The following SLFN12L variants were observed in gnomAD, a reference collection of about 807,000 sequenced individuals.
The protein encoded by SLFN12L is schlafen family member 12-like.
SLFN12L carries 34 observed loss-of-function variants against 34.8 expected under a neutral mutation model. The ratio of observed to expected loss-of-function variants is 0.98; its 90% CI spans 0.74 to 1.30. The LOEUF (loss-of-function observed/expected upper bound fraction) is 1.30. SLFN12L is among the 50% of genes most tolerant of loss of function. The probability of loss-of-function intolerance (pLI) is 0.00; values close to 1 mark genes in which losing one functional copy is unlikely to be tolerated. For synonymous variants in SLFN12L, 259 were observed against 247.5 expected, an observed-to-expected ratio of 1.05 and a Z score of -0.44; for missense variants, 703 against 696.2, an observed-to-expected ratio of 1.01 and a Z score of -0.11.
chr17:35,479,104 C>T lies in SLFN12L; in HGVS notation c.1165+13G>A. 6.5e-7 allele frequency: 1 copy of T among 1,530,222 alleles called. No individual in the cohort carries two copies. The highest frequency in any genetic ancestry group is 1.4e-5 in the African/African-American group (1 of 72,390). 94.8% of individuals were successfully genotyped at this position (1,530,222 alleles called of 1,614,324 possible). Reference sequence around the variant, plus strand: ...GCCAAAGGTATCCTTATTGCCAATCCTCCTTCCTCAACCTGGTTCTGAATC... The same window carrying T: ...GCCAAAGGTATCCTTATTGCCAATCTTCCTTCCTCAACCTGGTTCTGAATC... On this transcript the variant is annotated intron_variant, in intron 3 of 4. Coordinates refer to ENST00000628453, the MANE Select transcript of SLFN12L (RefSeq NM_001363830.2).
At chr17:35,517,857 G>C (rs1915879198) in intron 2 of SLFN12L, among the ~76,000 whole-genome samples, 1 of 152,188 alleles carries the variant, frequency 6.6e-6, no homozygotes, top group African/African-American at 2.4e-5. Context: ...GCAGAAAACA[G>C]AAACTGTACT....
intron 2 of SLFN12L, among the ~76,000 whole-genome samples, chr17:35,520,439 T>A (rs148756322): frequency 1.1e-3 from 166 of 152,292 alleles, no homozygotes; most frequent in African/African-American, 3.7e-3. Context: ...CTAATTGTAA[T>A]AATTATAAAG....
At chr17:35,535,190 C>CTTT (rs35271725) in intron 1 of SLFN12L, among the ~76,000 whole-genome samples, 3 of 131,250 alleles carry the variant, frequency 2.3e-5, no homozygotes, top group African/African-American at 8.6e-5. Flanking sequence ...TCTCTTTCTC[C>CTTT]TTTTTTTTTT....
At chr17:35,536,537 C>A (rs1456588121) in intron 1 of SLFN12L, among the ~76,000 whole-genome samples, 2 of 152,074 alleles carry the variant, frequency 1.3e-5, no homozygotes, top group East Asian at 1.9e-4. Context: ...CACAGTTGGG[C>A]TCAGTGGCTC....
intron 2 of SLFN12L, chr17:35,491,119 G>A: frequency 2.6e-6 from 2 of 778,324 alleles, no homozygotes; most frequent in East Asian, 4.9e-5. Context: ...ATGACCATTT[G>A]TGAACTTACT....
chr17:35,503,937 C>G (rs1176807372), intron 2 of SLFN12L, among the ~76,000 whole-genome samples: 2 of 152,176 alleles, frequency 1.3e-5, no homozygotes, highest in Non-Finnish European at 2.9e-5. Context: ...GCACCACCCC[C>G]TCCAGAGTTG....
chr17:35,513,519 G>GACAGATGCCACCAAGTACCA (rs929695670), intron 2 of SLFN12L, among the ~76,000 whole-genome samples: 1 of 152,156 alleles, frequency 6.6e-6, no homozygotes, highest in African/African-American at 2.4e-5. Context: ...TGCTCAGTTC[G>GACAGATGCCACCAAGTACCA]ACAGATGCCA....
intron 2 of SLFN12L, among the ~76,000 whole-genome samples, chr17:35,509,229 A>G (rs1915560866): frequency 1.3e-5 from 2 of 152,206 alleles, no homozygotes; most frequent in African/African-American, 4.8e-5. Flanking sequence ...GGGATGAGGG[A>G]GAGGAAGCAC....
At chr17:35,512,839 C>A (rs893888708) in intron 2 of SLFN12L, among the ~76,000 whole-genome samples, 1 of 152,184 alleles carries the variant, frequency 6.6e-6, no homozygotes, top group Non-Finnish European at 1.5e-5. Flanking sequence ...CAAGTGATAC[C>A]AAGTTTATAT....
intron 1 of SLFN12L, among the ~76,000 whole-genome samples, chr17:35,530,432 AAGGGAAGGGAAGAAAGAAAGAAAG>A (rs2072389128): frequency 1.1e-4 from 1 of 9,412 alleles, no homozygotes; most frequent in African/African-American, 2.2e-4. Context: ...GAAGGAAGGG[AAGGGAAGGGAAGAAAGAAAGAAAG>A]AAAGAAAGAA....
At chr17:35,506,897 T>C (rs1309615105) in intron 2 of SLFN12L, among the ~76,000 whole-genome samples, 1 of 152,234 alleles carries the variant, frequency 6.6e-6, no homozygotes, top group Non-Finnish European at 1.5e-5. Flanking sequence ...GACTTCACCC[T>C]TCCTGTGGGA....
intron 2 of SLFN12L, among the ~76,000 whole-genome samples, chr17:35,517,349 G>A (rs1191458155): frequency 2.6e-5 from 4 of 152,266 alleles, no homozygotes; most frequent in East Asian, 3.9e-4. Context: ...TACAAGGGAC[G>A]TGAAGGACCT....
Position 35,467,673 on chromosome 17 carries a change from T to G in SLFN12L, c.*7250A>C, listed in dbSNP as rs1913737427. On this transcript the variant is annotated 3_prime_UTR_variant, in exon 5 of 5. Transcript: ENST00000628453. ...CAGGCCTTAACCTATTTTTATAGAT[T>G]TTCAATATCAAACCCCCCCCATCAG... Among the ~76,000 whole-genome samples, 1 of 141,940 alleles carries G rather than the reference T, an allele frequency of 7.0e-6. No homozygotes were observed. Among genetic ancestry groups the G allele is most frequent in the South Asian group, 2.2e-4 (1 of 4,596 alleles). 93.1% of individuals were successfully genotyped at this position (141,940 alleles called of 152,430 possible).
At chr17:35,489,268 C>A (rs1431441441) in intron 2 of SLFN12L, among the ~76,000 whole-genome samples, 2 of 151,928 alleles carry the variant, frequency 1.3e-5, no homozygotes, top group East Asian at 3.9e-4. Context: ...CGACGTCGTT[C>A]CTATACCGTG....
chr17:35,490,059 A>C, intron 2 of SLFN12L: 1 of 1,606,016 alleles, frequency 6.2e-7, no homozygotes, highest in South Asian at 1.1e-5. Context: ...CTCTCCCTCC[A>C]AAGCGGCGCC....
intron 1 of SLFN12L, among the ~76,000 whole-genome samples, chr17:35,532,900 C>G (rs985762859): frequency 6.6e-6 from 1 of 151,886 alleles, no homozygotes; most frequent in African/African-American, 2.4e-5. Context: ...AAAAACAAAC[C>G]AAAAGACAAA....
intron 2 of SLFN12L, chr17:35,487,725 C>A (rs948543499): frequency 5.2e-6 from 8 of 1,535,744 alleles, no homozygotes; most frequent in Admixed American, 2.0e-5. Flanking sequence ...AGAGAACGAA[C>A]CTGGCGAGGT....
At chr17:35,487,061 G>A (rs772150972) in intron 2 of SLFN12L, among the ~76,000 whole-genome samples, 3 of 152,206 alleles carry the variant, frequency 2.0e-5, no homozygotes, top group Admixed American at 6.5e-5. Flanking sequence ...CAGTTCGTCA[G>A]TGCCTGGTCA....
At position 35,530,421 on chromosome 17, in the gene SLFN12L, GGAAGGAAGGGAAGGGAAGGGAA is replaced by G. The variant is rs1567693674; in HGVS notation, c.-606+7130_-606+7151del. 6.0e-3 allele frequency among the ~76,000 whole-genome samples: 59 copies of G among 9,914 alleles called. 6 individuals carry two copies. The highest frequency in any genetic ancestry group is 0.019 in the South Asian group (5 of 262). 6.5% of individuals were successfully genotyped at this position (9,914 alleles called of 152,430 possible). A position where few individuals can be genotyped will look rare whatever the true frequency, so the allele number is the denominator to read the frequency against. On this transcript the variant is annotated intron_variant, in intron 1 of 4. Coordinates refer to ENST00000628453, the MANE Select transcript of SLFN12L (RefSeq NM_001363830.2). ...AGGAAGGAAGGAAGGAAGGAAGGAAGGAAGGAAGGGAAGGGAAGGGAAGAAAGAAAGAAAGAAAGAAAGAAAG... is the reference window on the plus strand; with the variant it reads ...AGGAAGGAAGGAAGGAAGGAAGGAAGGAAAGAAAGAAAGAAAGAAAGAAAG...
Sources: gnomAD v4.1 joint callset for allele counts (sites outside exome capture counted in the v4.1 genomes callset) on GRCh38, gnomAD v4.1.1 for gene constraint, MANE v1.5 for transcripts, NCBI Gene and HGNC (gene_info 2026-07-23, HGNC 2026-07-21) for gene names.